Variants in RICTOR observed in about 807,000 individuals in gnomAD.
The protein encoded by RICTOR is RPTOR independent companion of MTOR complex 2.
Under a neutral mutation model 214.9 loss-of-function variants are expected in RICTOR, and 49 were observed. The ratio of observed to expected loss-of-function variants is 0.23; its 90% CI spans 0.18 to 0.29. The LOEUF is 0.29. Ranked by LOEUF, RICTOR falls within the 10% of genes least tolerant of loss-of-function variation. The pLI is 1.00. For synonymous variants in RICTOR, 717 were observed against 711.3 expected (o/e 1.01, Z -0.13); for missense variants, 1,625 against 2,047.0 (o/e 0.79, Z 3.98).
chr5:38,974,291 C>T (rs1197687886), intron 10 of RICTOR, among the ~76,000 whole-genome samples: 1 of 151,330 alleles, frequency 6.6e-6, no homozygotes, highest in Admixed American at 6.6e-5. Flanking sequence ...CTCAGGTGAT[C>T]CACCCACCTT....
At chr5:39,036,536 A>T (rs1212564623) in intron 2 of RICTOR, among the ~76,000 whole-genome samples, 1 of 152,188 alleles carries the variant, frequency 6.6e-6, no homozygotes, top group Middle Eastern at 3.4e-3. Context: ...TGGATAAAGT[A>T]TCAAGACCCA....
In RICTOR at chr5:39,036,351, A is replaced by G. The variant is rs1165741326; in HGVS notation, c.98-15215T>C. ...TGAAAAGGAACAACGGGTACCAGCC[A>G]CTGCAAAAACATGCCAAATTGTAAA... On this transcript the variant is annotated intron_variant, in intron 2 of 37. Transcript: ENST00000357387. Among the ~76,000 whole-genome samples the G allele has an allele frequency of 2.6e-5, 4 of 152,360 alleles. No homozygotes were observed. The East Asian group carries it at 7.7e-4, about 29-fold the overall frequency.
intron 3 of RICTOR, 51 bp from the exon 4 acceptor site, chr5:39,003,673 TA>T (rs753068645): frequency 9.2e-7 from 1 of 1,083,186 alleles, no homozygotes; most frequent in South Asian, 1.3e-5. Context: ...TATTTTCACA[TA>T]TTTATATACA....
In RICTOR at chr5:38,944,175, G is replaced by A. The variant is rs147798477; in HGVS notation, c.4913+271C>T. ...TTCCAAAAGTAAAAAAGTGAGAAGA[G>A]TGGCATTATTTTACATTTTTTGCAG... On this transcript the variant is annotated intron_variant, in intron 36 of 37. Transcript: ENST00000357387. 150 of 525,180 alleles carry A rather than the reference G, an allele frequency of 2.9e-4. No homozygotes were observed. In the Middle Eastern group the frequency reaches 4.5e-3, roughly 16 times the overall value. The allele number at this position is 525,180 out of a possible 1,614,324, so 32.5% of individuals were successfully genotyped here. A position where few individuals can be genotyped will look rare whatever the true frequency, so the allele number is the denominator to read the frequency against.
chr5:39,055,681 A>G (rs1758160482), intron 2 of RICTOR, among the ~76,000 whole-genome samples: 1 of 152,204 alleles, frequency 6.6e-6, no homozygotes, highest in South Asian at 2.1e-4. Flanking sequence ...TAAGAAAGGT[A>G]AAATGCAATA....
chr5:39,035,755 G>C (rs1213459432), intron 2 of RICTOR, among the ~76,000 whole-genome samples: 1 of 152,130 alleles, frequency 6.6e-6, no homozygotes, highest in East Asian at 1.9e-4. Flanking sequence ...GAAGCGAGAA[G>C]AGAAGTTTAG....
rs545953693 is a variant in RICTOR at position 38,968,480 on chromosome 5, A to C, written c.973-450T>G. On this transcript the variant is annotated intron_variant, in intron 11 of 37. Coordinates refer to ENST00000357387, the MANE Select transcript of RICTOR (RefSeq NM_152756.5). ...GTACTTCTATACTTTAAAAAACAAA[A>C]CAAAAAAAAAAAAAGCCCTTTGGGA... Among the ~76,000 whole-genome samples, 184 of 148,748 alleles carry C rather than the reference A, an allele frequency of 1.2e-3. 1 individual carries two copies. Among genetic ancestry groups the C allele is most frequent in the African/African-American group, 4.4e-3 (178 of 40,052 alleles).
intron 3 of RICTOR, among the ~76,000 whole-genome samples, chr5:39,017,667 C>G (rs1057212364): frequency 6.6e-6 from 1 of 152,044 alleles, no homozygotes; most frequent in Non-Finnish European, 1.5e-5. Context: ...ACTTGCTTCT[C>G]TAGCTATAGA....
At chr5:38,967,038 T>C in intron 14 of RICTOR, 123 bp downstream of exon 14, 1 of 768,762 alleles carries the variant, frequency 1.3e-6, no homozygotes, top group South Asian at 1.6e-5. Flanking sequence ...TGGCCTGAAG[T>C]GATCCGCCTG....
chr5:38,953,004 C>T lies in RICTOR; in HGVS notation c.2878G>A (p.Glu960Lys), dbSNP rs1431397356. ...PDILKLAKQCEVLSIRGTCVY... is the reference protein window; with the variant it reads ...PDILKLAKQCKVLSIRGTCVY... The stretch of plus-strand genomic sequence containing the variant: ...ACCTACCCTCTGATGGAAAGAACTT[C>T]ACACTGTTTTGCAAGTTTTAGTATA... Residue 960 changes from glutamate to lysine, a missense_variant, in exon 29 of 38, where the codon GAA (glutamate) becomes AAA (lysine). Physicochemically the swap from Glu to Lys is moderately conservative, Grantham distance 56. Transcript: ENST00000357387. The T allele has an allele frequency of 1.2e-6, 2 of 1,605,858 alleles. No individual in the cohort carries two copies. Among genetic ancestry groups the T allele is most frequent in the Non-Finnish European group, 1.7e-6 (2 of 1,173,768 alleles).
intron 5 of RICTOR, among the ~76,000 whole-genome samples, chr5:38,998,062 T>C (rs1753307686): frequency 6.6e-6 from 1 of 152,072 alleles, no homozygotes; most frequent in African/African-American, 2.4e-5. Context: ...TAGGTAAAGG[T>C]TCAAGACTGG....
At chr5:39,006,438 A>G (rs1220440964) in intron 3 of RICTOR, among the ~76,000 whole-genome samples, 2 of 152,118 alleles carry the variant, frequency 1.3e-5, no homozygotes, top group Non-Finnish European at 2.9e-5. Flanking sequence ...TGGATTAAAG[A>G]GAAGATAAAT....
intron 8 of RICTOR, among the ~76,000 whole-genome samples, chr5:38,979,593 C>A (rs144108446): frequency 6.6e-6 from 1 of 152,160 alleles, no homozygotes; most frequent in African/African-American, 2.4e-5. Context: ...ACTTAAGAGT[C>A]TAGGAGAGGC....
chr5:39,048,701 A>G (rs1672436959), intron 2 of RICTOR, among the ~76,000 whole-genome samples: 1 of 152,160 alleles, frequency 6.6e-6, no homozygotes, highest in Admixed American at 6.5e-5. Flanking sequence ...TGCCATAATG[A>G]GTTCTAGTGA....
chr5:38,971,836 A>G (rs1400839633), intron 11 of RICTOR, 41 bp downstream of exon 11: 1 of 823,018 alleles, frequency 1.2e-6, no homozygotes, highest in Non-Finnish European at 2.1e-6. Flanking sequence ...TCCCACTGTT[A>G]AAGGTCCAGG....
chr5:39,068,826 C>T (rs1023232035), intron 2 of RICTOR, among the ~76,000 whole-genome samples: 3 of 152,060 alleles, frequency 2.0e-5, no homozygotes, highest in Non-Finnish European at 4.4e-5. Flanking sequence ...CAGAGGATGG[C>T]GGAAATACCT....
At chr5:39,053,667 T>C in intron 2 of RICTOR, among the ~76,000 whole-genome samples, 1 of 151,386 alleles carries the variant, frequency 6.6e-6, no homozygotes, top group East Asian at 1.9e-4. Context: ...CCGAGATGGG[T>C]GGATCACGAG....
Position 38,950,241 on chromosome 5 carries a change from A to G in RICTOR, c.3607T>C (p.Leu1203=). ...NHRENTSRER[L]VVESSTSSHM... ...GAGCTCGTTGAACTTTCTACTACTA[A>G]CCTCTCTCGGCTTGTATTTTCTCTG... Residue 1203 remains leucine (L), a synonymous_variant, in exon 31 of 38, where the codon TTA becomes CTA. Transcript: ENST00000357387. 6.2e-7 allele frequency: 1 copy of G among 1,612,606 alleles called. No individual in the cohort carries two copies. Among genetic ancestry groups the G allele is most frequent in the Non-Finnish European group, 8.5e-7 (1 of 1,179,390 alleles).
chr5:39,053,433 C>T (rs1448378967), intron 2 of RICTOR, among the ~76,000 whole-genome samples: 1 of 152,114 alleles, frequency 6.6e-6, no homozygotes. Flanking sequence ...CAATTTCTAC[C>T]ACAACGGCTC....
Sources: gnomAD v4.1 joint callset for allele counts (sites outside exome capture counted in the v4.1 genomes callset) on GRCh38, gnomAD v4.1.1 for gene constraint, MANE v1.5 for transcripts, NCBI Gene and HGNC (gene_info 2026-07-23, HGNC 2026-07-21) for gene names.